MPP7: variants seen among roughly 807,000 people sequenced by gnomAD.
MPP7 encodes MAGUK p55 subfamily member 7.
Under a neutral mutation model 76.5 loss-of-function variants are expected in MPP7, and 60 were observed. That is an observed-to-expected ratio of 0.78 (90% CI 0.64 to 0.97). The LOEUF (loss-of-function observed/expected upper bound fraction) is 0.97, where lower values mean the gene tolerates loss of function less well. Ranked by LOEUF, MPP7 falls within the 50% of genes least tolerant of loss-of-function variation. The pLI is 0.00. For missense variants in MPP7, 641 were observed against 694.0 expected, an observed-to-expected ratio of 0.92 and a Z score of 0.86; for synonymous variants, 237 against 244.5, an observed-to-expected ratio of 0.97 and a Z score of 0.29.
rs1212832072 is a variant in MPP7, at chr10:28,120,354, C to T, written c.727G>A (p.Glu243Lys). ...IKALFDYNPN[E>K]DKAIPCKEAG... is the part of the protein sequence containing the mutation. The stretch of plus-strand genomic sequence containing the variant: ...TCCTTACATGGAATTGCCTTATCCT[C>T]ATTAGGATTATAGTCAAAGAGGGCT... The change falls in exon 10 of 17, where the codon GAG becomes AAG. Residue 243 changes from glutamate to lysine, a missense_variant. Transcript: ENST00000683449. 1 of 1,613,758 alleles carries T rather than the reference C, an allele frequency of 6.2e-7. No homozygotes were observed. The highest frequency in any genetic ancestry group is 8.5e-7 in the Non-Finnish European group (1 of 1,179,872).
At chr10:28,119,181 A>G in intron 11 of MPP7, 5 of 437,688 alleles carry the variant, frequency 1.1e-5, no homozygotes, top group Non-Finnish European at 1.5e-5. Context: ...CCAAAGGGAT[A>G]GGCTAAAGGT....
rs143398849 is a variant in MPP7 at position 28,144,124 on chromosome 10, G to A, written c.315+3359C>T. ...GGCTGGTCTCGAACTCCTGACCTCC[G>A]GTGATCAGCCCACCTCGGCCTCCCA... is the stretch of plus-strand genomic sequence containing the variant. On this transcript the variant is annotated intron_variant, in intron 5 of 16. Coordinates refer to ENST00000683449, the MANE Select transcript of MPP7 (RefSeq NM_001318170.2). 5.4e-3 allele frequency among the ~76,000 whole-genome samples: 827 copies of A among 152,102 alleles called. 8 individuals carry two copies. Among genetic ancestry groups the A allele is most frequent in the African/African-American group, 0.019 (773 of 41,492 alleles).
At chr10:28,089,281 T>C (rs898394393) in intron 12 of MPP7, among the ~76,000 whole-genome samples, 3 of 152,206 alleles carry the variant, frequency 2.0e-5, no homozygotes, top group Admixed American at 2.0e-4. Context: ...GCTGTAATAC[T>C]TTATTTCACT....
At chr10:28,302,660 C>A (rs1340370517) in intron 1 of MPP7, among the ~76,000 whole-genome samples, 2 of 151,774 alleles carry the variant, frequency 1.3e-5, no homozygotes, top group Admixed American at 6.6e-5. Flanking sequence ...CCCGCCCCTG[C>A]CCCGGCCCCG....
intron 2 of MPP7, among the ~76,000 whole-genome samples, chr10:28,322,203 A>G (rs1432334962): frequency 1.3e-5 from 2 of 152,010 alleles, no homozygotes; most frequent in Non-Finnish European, 1.5e-5. Context: ...GAGAAGTGGG[A>G]GGAAGAGATC....
rs915593369 is a variant in MPP7 at position 28,092,577 on chromosome 10, C to T, written c.953-2736G>A. Among the ~76,000 whole-genome samples the T allele has an allele frequency of 2.6e-3, 311 of 121,076 alleles. 4 individuals are homozygous for T. Among genetic ancestry groups the T allele is most frequent in the African/African-American group, 9.6e-3 (296 of 30,948 alleles). The allele number at this position is 121,076 out of a possible 152,430, so 79.4% of individuals were successfully genotyped here. A position where few individuals can be genotyped will look rare whatever the true frequency, so the allele number is the denominator to read the frequency against. The stretch of plus-strand genomic sequence containing the variant: ...GCTTCATAGAACCCAGAAAAGGGAC[C>T]TTTTTTTTTTTTTGAGACAGGGACT... On this transcript the variant is annotated intron_variant, in intron 11 of 16. Coordinates refer to ENST00000683449, the MANE Select transcript of MPP7 (RefSeq NM_001318170.2).
At chr10:28,203,091 G>A (rs1313455210) in intron 2 of MPP7, 1 of 152,176 alleles carries the variant, frequency 6.6e-6, no homozygotes, top group Non-Finnish European at 1.5e-5. Context: ...TGACCTGGCA[G>A]GAGTCAATAT....
intron 11 of MPP7, among the ~76,000 whole-genome samples, chr10:28,091,194 T>C (rs1363076278): frequency 6.6e-6 from 1 of 151,884 alleles, no homozygotes; most frequent in Non-Finnish European, 1.5e-5. Flanking sequence ...TTATATCAGC[T>C]GCAAAGTTCA....
intron 11 of MPP7, among the ~76,000 whole-genome samples, chr10:28,106,374 T>A (rs1341667900): frequency 1.3e-5 from 2 of 152,218 alleles, no homozygotes. Context: ...TAACAATTTC[T>A]AGGTAGTCCT....
intron 13 of MPP7, among the ~76,000 whole-genome samples, chr10:28,063,217 TG>T (rs1851862117): frequency 6.6e-6 from 1 of 152,026 alleles, no homozygotes; most frequent in South Asian, 2.1e-4. Flanking sequence ...TCCCACACTT[TG>T]GGAGGCTGAG....
chr10:28,269,702 A>C (rs1008458892), intron 1 of MPP7, among the ~76,000 whole-genome samples: 1 of 151,492 alleles, frequency 6.6e-6, no homozygotes, highest in Admixed American at 6.6e-5. Context: ...AATTTTTTTA[A>C]ATTTTTTTAG....
chr10:28,268,842 C>A (rs1840230456), intron 1 of MPP7, among the ~76,000 whole-genome samples: 1 of 151,550 alleles, frequency 6.6e-6, no homozygotes, highest in Non-Finnish European at 1.5e-5. Flanking sequence ...TGGCATGAAC[C>A]CAGGAGGCAG....
In MPP7 at chr10:28,221,811, A is replaced by G. The variant is rs1838518619; in HGVS notation, c.37+16757T>C. Among the ~76,000 whole-genome samples, 2 of 152,190 alleles carry G rather than the reference A, an allele frequency of 1.3e-5. 1 individual carries two copies. Among genetic ancestry groups the G allele is most frequent in the African/African-American group, 4.8e-5 (2 of 41,434 alleles). On this transcript the variant is annotated intron_variant, in intron 2 of 16. Transcript: ENST00000683449. Reference sequence around the variant, plus strand: ...ATATTTTTAAAATCTAGGTGATTCGAGTGCTGCACTATATCGGAAAGAGAA... The same window carrying G: ...ATATTTTTAAAATCTAGGTGATTCGGGTGCTGCACTATATCGGAAAGAGAA...
intron 3 of MPP7, among the ~76,000 whole-genome samples, chr10:28,199,013 A>G (rs962178737): frequency 2.0e-5 from 3 of 152,228 alleles, no homozygotes; most frequent in Admixed American, 6.5e-5. Flanking sequence ...TCACAGTTCC[A>G]TGCGGCTGGG....
At chr10:28,251,453 C>G (rs1290310612) in intron 1 of MPP7, among the ~76,000 whole-genome samples, 3 of 151,652 alleles carry the variant, frequency 2.0e-5, no homozygotes, top group African/African-American at 7.3e-5. Flanking sequence ...CAGAACAAGG[C>G]CCTGTCTCAA....
intron 8 of MPP7, among the ~76,000 whole-genome samples, chr10:28,123,006 T>G (rs886306100): frequency 5.9e-5 from 9 of 152,194 alleles, no homozygotes; most frequent in Non-Finnish European, 7.4e-5. Flanking sequence ...GAATTTATTT[T>G]TATGTATTGT....
intron 3 of MPP7, among the ~76,000 whole-genome samples, chr10:28,182,846 G>A (rs1372207741): frequency 4.6e-5 from 7 of 152,244 alleles, no homozygotes; most frequent in Non-Finnish European, 8.8e-5. Flanking sequence ...GGGAGGCCAA[G>A]GCGGGTGGAT....
intron 1 of MPP7, among the ~76,000 whole-genome samples, chr10:28,256,490 C>A (rs1358600622): frequency 1.3e-5 from 2 of 151,870 alleles, no homozygotes; most frequent in Admixed American, 1.3e-4. Flanking sequence ...TGCAAAAAAA[C>A]TGACTAAGCA....
At chr10:28,158,402 C>T (rs1002327984) in intron 3 of MPP7, among the ~76,000 whole-genome samples, 11 of 151,880 alleles carry the variant, frequency 7.2e-5, no homozygotes, top group Non-Finnish European at 1.3e-4. Flanking sequence ...AATTGTCTTA[C>T]GGAAATAGGA....
Sources: allele counts gnomAD v4.1 joint callset (sites outside exome capture counted in the v4.1 genomes callset), GRCh38; gene constraint gnomAD v4.1.1; transcripts MANE v1.5; gene names NCBI Gene and HGNC (gene_info 2026-07-23, HGNC 2026-07-21).